PIGL: variants seen among roughly 807,000 people sequenced by gnomAD.
PIGL encodes the protein phosphatidylinositol glycan anchor biosynthesis class L, also known as N-acetylglucosaminyl-phosphatidylinositol de-N-acetylase.
In PIGL, 22 loss-of-function variants were observed where a neutral mutation model predicts 31.1. That is an observed-to-expected ratio of 0.71 (90% CI 0.51 to 1.01). PIGL has a LOEUF of 1.01. Among genes scored for constraint, PIGL ranks in the 50% least tolerant of loss-of-function variants. The probability of loss-of-function intolerance (pLI) is 0.00; values close to 1 mark genes in which losing one functional copy is unlikely to be tolerated. For synonymous variants in PIGL, 131 were observed against 117.4 expected, an observed-to-expected ratio of 1.12 and a Z score of -0.75; for missense variants, 302 against 315.9, an observed-to-expected ratio of 0.96 and a Z score of 0.33.
At chr17:16,267,507 A>T (rs998053638) in intron 2 of PIGL, among the ~76,000 whole-genome samples, 1 of 152,066 alleles carries the variant, frequency 6.6e-6, no homozygotes, top group African/African-American at 2.4e-5. Context: ...AACTGTGGTC[A>T]TATTGTCGGG....
chr17:16,282,411 G>T, intron 2 of PIGL, among the ~76,000 whole-genome samples: 2 of 150,310 alleles, frequency 1.3e-5, no homozygotes, highest in South Asian at 4.2e-4. Context: ...TAATTGGTCT[G>T]TTTTTTTTTC....
At chr17:16,308,667 G>T (rs1213413452) in intron 3 of PIGL, among the ~76,000 whole-genome samples, 1 of 151,884 alleles carries the variant, frequency 6.6e-6, no homozygotes, top group Non-Finnish European at 1.5e-5. Flanking sequence ...GAGCCCAGGA[G>T]TCCAAGACCA....
intron 2 of PIGL, among the ~76,000 whole-genome samples, chr17:16,246,670 G>GTTTT (rs1284256034): frequency 9.4e-6 from 1 of 106,536 alleles, no homozygotes; most frequent in Non-Finnish European, 2.0e-5. Flanking sequence ...CCAGATCAAG[G>GTTTT]TCTTTTTTTT....
At chr17:16,315,776 C>T (rs1436166604) in intron 4 of PIGL, among the ~76,000 whole-genome samples, 2 of 116,998 alleles carry the variant, frequency 1.7e-5, no homozygotes, top group Admixed American at 1.2e-4. Flanking sequence ...TGTGCAGTGG[C>T]GTGATCTCAG....
At chr17:16,275,188 C>T (rs961275057) in intron 2 of PIGL, among the ~76,000 whole-genome samples, 3 of 152,168 alleles carry the variant, frequency 2.0e-5, no homozygotes, top group African/African-American at 7.2e-5. Context: ...AAGAGGTGGG[C>T]AATTCCCAGA....
chr17:16,275,039 A>G (rs1018887195), intron 2 of PIGL, among the ~76,000 whole-genome samples: 1 of 152,132 alleles, frequency 6.6e-6, no homozygotes, highest in Non-Finnish European at 1.5e-5. Flanking sequence ...CTCAAAAAAA[A>G]AAAAAGAAAA....
chr17:16,223,967 A>G (rs1052884920), intron 1 of PIGL, among the ~76,000 whole-genome samples: 3 of 152,180 alleles, frequency 2.0e-5, no homozygotes, highest in Non-Finnish European at 4.4e-5. Flanking sequence ...CTGTAATCCC[A>G]GCACTTTGGG....
At chr17:16,277,819 G>A (rs186817032) in intron 2 of PIGL, among the ~76,000 whole-genome samples, 1 of 152,242 alleles carries the variant, frequency 6.6e-6, no homozygotes, top group Non-Finnish European at 1.5e-5. Flanking sequence ...GGTTACTTCT[G>A]TGGCATACAA....
chr17:16,320,373 G>T (rs1400555413), intron 6 of PIGL, among the ~76,000 whole-genome samples: 2 of 132,944 alleles, frequency 1.5e-5, no homozygotes, highest in African/African-American at 5.7e-5. Flanking sequence ...AGAGAGAGAG[G>T]AAAGAAGGAA....
chr17:16,247,225 C>G (rs2092752501), intron 2 of PIGL, among the ~76,000 whole-genome samples: 1 of 152,150 alleles, frequency 6.6e-6, no homozygotes, highest in South Asian at 2.1e-4. Flanking sequence ...GTGGTTAGGG[C>G]TTCAGCACAT....
chr17:16,258,647 G>A (rs906646185), intron 2 of PIGL, among the ~76,000 whole-genome samples: 8 of 151,892 alleles, frequency 5.3e-5, no homozygotes, highest in African/African-American at 1.5e-4. Flanking sequence ...AGGATTACAG[G>A]CATGCACCAC....
intron 2 of PIGL, among the ~76,000 whole-genome samples, chr17:16,255,591 T>C (rs1401942530): frequency 6.6e-6 from 1 of 152,178 alleles, no homozygotes; most frequent in Non-Finnish European, 1.5e-5. Flanking sequence ...CTGGGACTGT[T>C]GGGATCATGT....
At chr17:16,247,050 C>T (rs984184022) in intron 2 of PIGL, among the ~76,000 whole-genome samples, 36 of 152,128 alleles carry the variant, frequency 2.4e-4, no homozygotes, top group Admixed American at 1.8e-3. Flanking sequence ...TGCAGATGAC[C>T]TTCTCGCTAT....
intron 2 of PIGL, among the ~76,000 whole-genome samples, chr17:16,296,939 C>T (rs1188043127): frequency 6.6e-6 from 1 of 151,994 alleles, no homozygotes; most frequent in Non-Finnish European, 1.5e-5. Flanking sequence ...CCAGGATGGT[C>T]TCAATCTCCT....
intron 2 of PIGL, among the ~76,000 whole-genome samples, chr17:16,294,469 G>A (rs1368863044): frequency 3.3e-5 from 5 of 152,080 alleles, no homozygotes; most frequent in African/African-American, 7.2e-5. Context: ...GGTTCTCCCC[G>A]CTGCCCTCTA....
At position 16,223,315 on chromosome 17, in the gene PIGL, G is replaced by A. The variant is rs78837512; in HGVS notation, c.235+5854G>A. 7.9e-5 allele frequency among the ~76,000 whole-genome samples: 12 copies of A among 151,878 alleles called. No individual in the cohort carries two copies. In the East Asian group the frequency reaches 1.4e-3, roughly 17 times the overall value. ...CATTCTTGGCCAGGCGCAGTGGCTC[G>A]TGCCTGTAACCCCAGAACTTTGGGA... On this transcript the variant is annotated intron_variant, in intron 1 of 6. Coordinates refer to ENST00000225609, the MANE Select transcript of PIGL (RefSeq NM_004278.4).
chr17:16,275,460 T>G (rs1243847893), intron 2 of PIGL, among the ~76,000 whole-genome samples: 1 of 152,174 alleles, frequency 6.6e-6, no homozygotes, highest in Non-Finnish European at 1.5e-5. Context: ...TCCTATCTCA[T>G]CCTATAAGTA....
chr17:16,310,077 C>CAAAAAA (rs58352380), intron 3 of PIGL, among the ~76,000 whole-genome samples: 2 of 88,710 alleles, frequency 2.3e-5, no homozygotes, highest in African/African-American at 4.5e-5. Flanking sequence ...GACTCCATCT[C>CAAAAAA]AAAAAAAAAA....
chr17:16,253,580 C>A (rs1262114130), intron 2 of PIGL, among the ~76,000 whole-genome samples: 3 of 152,052 alleles, frequency 2.0e-5, no homozygotes, highest in Admixed American at 1.3e-4. Context: ...GGTCTAATTT[C>A]TTTTTCCTTG....
Sources: gnomAD v4.1 joint callset for allele counts (sites outside exome capture counted in the v4.1 genomes callset) on GRCh38, gnomAD v4.1.1 for gene constraint, MANE v1.5 for transcripts, NCBI Gene and HGNC (gene_info 2026-07-23, HGNC 2026-07-21) for gene names.